The following DOCK6 variants were observed in gnomAD, a reference collection of about 807,000 sequenced individuals.
DOCK6 encodes dedicator of cytokinesis 6.
DOCK6 carries 167 observed loss-of-function variants against 230.3 expected under a neutral mutation model. That is an observed-to-expected ratio of 0.73 (90% CI 0.64 to 0.82). The LOEUF (loss-of-function observed/expected upper bound fraction) is 0.82, where lower values mean the gene tolerates loss of function less well. DOCK6 is among the 40% of genes least tolerant of loss of function. The pLI, the probability that DOCK6 is intolerant of heterozygous loss-of-function variation, is 0.00. For missense variants in DOCK6, 2,598 were observed against 2,825.8 expected (o/e 0.92, Z 1.83); for synonymous variants, 1,148 against 1,185.0 (o/e 0.97, Z 0.64).
chr19:11,250,035 G>A (rs2080093725), intron 6 of DOCK6, among the ~76,000 whole-genome samples: 1 of 149,098 alleles, frequency 6.7e-6, no homozygotes, highest in African/African-American at 2.5e-5. Context: ...TTTTGAGACA[G>A]AGTCTCGCTC....
chr19:11,224,204 T>C (rs2079626805), intron 24 of DOCK6, among the ~76,000 whole-genome samples: 2 of 147,654 alleles, frequency 1.4e-5, no homozygotes, highest in African/African-American at 4.9e-5. Context: ...CTTTCTTTCT[T>C]TCTTTCTTTC....
chr19:11,250,724 G>T, intron 6 of DOCK6, 150 bp downstream of exon 6: 1 of 745,676 alleles, frequency 1.3e-6, no homozygotes, highest in East Asian at 2.7e-5. Context: ...ATAAACATAG[G>T]ATATACAGTA....
rs764093644 is a variant in DOCK6 at position 11,243,348 on chromosome 19, C to CCCCGACCCCG, written c.1295_1296insCGGGGTCGGG (p.Pro433GlyfsTer10). On this transcript the variant is annotated frameshift_variant, in exon 12 of 48. Coordinates refer to ENST00000294618, the MANE Select transcript of DOCK6 (RefSeq NM_020812.4). LOFTEE classifies it high-confidence loss of function. The surrounding 1 kb of genome is among the most constrained non-coding windows in gnomAD (Gnocchi z 6.3). ...CCCCACTACTCGCCCGGTCCTGGGG[C>CCCCGACCCCG]CCCCGACGGCGGCGGTCTGTCCAGG... is the stretch of plus-strand genomic sequence containing the variant. 1 of 1,598,976 alleles carries CCCCGACCCCG rather than the reference C, an allele frequency of 6.3e-7. No homozygotes were observed. Among genetic ancestry groups the CCCCGACCCCG allele is most frequent in the Admixed American group, 1.7e-5 (1 of 57,426 alleles).
At chr19:11,204,374 C>G (rs764683158) in intron 39 of DOCK6, 43 bp from the exon 40 acceptor site, 15 of 1,599,594 alleles carry the variant, frequency 9.4e-6, no homozygotes, top group Non-Finnish European at 1.2e-5. Context: ...CTGTCTTCCT[C>G]TCTCCACTGT....
At chr19:11,241,586 A>G in intron 14 of DOCK6, 1 of 1,555,722 alleles carries the variant, frequency 6.4e-7, no homozygotes, top group Non-Finnish European at 8.7e-7. Context: ...CAGGCAGGGC[A>G]GTTGGATGGG....
Position 11,243,758 on chromosome 19 carries a change from G to A in DOCK6, c.1104+44C>T, listed in dbSNP as rs961421705. The A allele has an allele frequency of 1.2e-6, 2 of 1,613,586 alleles. No individual in the cohort carries two copies. The highest frequency in any genetic ancestry group is 2.2e-5 in the South Asian group (2 of 90,932). On this transcript the variant is annotated intron_variant, in intron 10 of 47. Transcript: ENST00000294618. The surrounding 1 kb of genome is among the most constrained non-coding windows in gnomAD (Gnocchi z 6.3). ...GCCAGCTCAGCATCCTAGCCCTGCT[G>A]AGTCAGGGATCTGTTGCCCCTAGTC...
At chr19:11,213,152 C>G in intron 35 of DOCK6, 24 bp downstream of exon 35, 1 of 1,604,080 alleles carries the variant, frequency 6.2e-7, no homozygotes, top group Non-Finnish European at 8.5e-7. Context: ...CATGTGTGGA[C>G]CATGCCTCCT....
intron 39 of DOCK6, 131 bp from the exon 40 acceptor site, chr19:11,204,462 T>C: frequency 7.8e-7 from 1 of 1,286,374 alleles, no homozygotes; most frequent in Admixed American, 2.6e-5. Flanking sequence ...AAGCCCACCC[T>C]GACCACCCCT....
chr19:11,206,834 GTT>G (rs535091337), intron 39 of DOCK6, among the ~76,000 whole-genome samples: 1 of 18,434 alleles, frequency 5.4e-5, no homozygotes, highest in African/African-American at 4.7e-4. Context: ...ATTTGTGGTG[GTT>G]TTTTTTTTTT....
In DOCK6 at chr19:11,228,954, A is replaced by G; in HGVS notation, c.2800T>C (p.Phe934Leu). 3 of 1,613,542 alleles carry G rather than the reference A, an allele frequency of 1.9e-6. No individual in the cohort carries two copies. Among genetic ancestry groups the G allele is most frequent in the Non-Finnish European group, 2.5e-6 (3 of 1,179,758 alleles). Reference sequence around the variant, plus strand: ...GGGGGTCTCACCATGAGCTGGAAGAAGAACCAGGCGTGCTGGAGGATGGCC... The same window carrying G: ...GGGGGTCTCACCATGAGCTGGAAGAGGAACCAGGCGTGCTGGAGGATGGCC... ...REAILQHAWF[F>L]FQLMVKSMAL... The change falls in exon 23 of 48, where the codon TTC becomes CTC. Residue 934 changes from phenylalanine to leucine, a missense_variant. Coordinates refer to ENST00000294618, the MANE Select transcript of DOCK6 (RefSeq NM_020812.4).
chr19:11,236,944 G>A lies in DOCK6; in HGVS notation c.2074-65C>T. 1.3e-6 allele frequency: 2 copies of A among 1,490,124 alleles called. No individual in the cohort carries two copies. The allele number at this position is 1,490,124 out of a possible 1,614,324, so 92.3% of individuals were successfully genotyped here. On this transcript the variant is annotated intron_variant, in intron 18 of 47. Transcript: ENST00000294618. The surrounding 1 kb of genome is among the most constrained non-coding windows in gnomAD (Gnocchi z 5.2). The stretch of plus-strand genomic sequence containing the variant: ...CCCTGACTGATCAGGTCACCCAGCG[G>A]CCCCAGCCATTGCGACACTGCAGCG...
chr19:11,241,975 G>A (rs2032866112), intron 14 of DOCK6, 70 bp downstream of exon 14: 7 of 1,504,578 alleles, frequency 4.7e-6, no homozygotes, highest in Non-Finnish European at 6.2e-6. Context: ...CTTGGCTTAG[G>A]GAGACCCCAC....
intron 39 of DOCK6, among the ~76,000 whole-genome samples, chr19:11,206,718 G>A (rs2079267416): frequency 6.6e-6 from 1 of 152,090 alleles, no homozygotes; most frequent in South Asian, 2.1e-4. Flanking sequence ...ATGAAATAAA[G>A]GATGACCATT....
At position 11,214,371 on chromosome 19, in the gene DOCK6, C is replaced by T. The variant is rs2079443753; in HGVS notation, c.4242G>A (p.Gly1414=). 5 of 1,613,626 alleles carry T rather than the reference C, an allele frequency of 3.1e-6. No individual in the cohort carries two copies. The highest frequency in any genetic ancestry group is 4.2e-6 in the Non-Finnish European group (5 of 1,179,800). Residue 1414 remains glycine (G), a synonymous_variant, in exon 34 of 48, where the codon GGG becomes GGA. Transcript: ENST00000294618. ...MLSEARESVL[G]AVLKVVLYSL... ...TGTACAGCACAACCTTCAGCACTGC[C>T]CCCAAGACGCTCTCCCGGGCTTCTG...
intron 13 of DOCK6, among the ~76,000 whole-genome samples, 179 bp from the exon 14 acceptor site, chr19:11,242,386 T>C (rs969293501): frequency 6.6e-6 from 1 of 151,886 alleles, no homozygotes; most frequent in Non-Finnish European, 1.5e-5. Flanking sequence ...CCCTAAATTT[T>C]TTTTCGTTTT....
At chr19:11,207,352 A>G (rs1165996780) in intron 39 of DOCK6, among the ~76,000 whole-genome samples, 1 of 151,326 alleles carries the variant, frequency 6.6e-6, no homozygotes, top group African/African-American at 2.4e-5. Flanking sequence ...ATGCCACCAC[A>G]CCCAGCTAAT....
rs78942291 is a variant in DOCK6 at position 11,199,430 on chromosome 19, C to T, written c.*67G>A. 9,708 of 1,543,122 alleles carry T rather than the reference C, an allele frequency of 6.3e-3. 49 individuals carry two copies. The highest frequency in any genetic ancestry group is 0.012 in the South Asian group (1,026 of 83,840). On this transcript the variant is annotated 3_prime_UTR_variant, in exon 48 of 48. Coordinates refer to ENST00000294618, the MANE Select transcript of DOCK6 (RefSeq NM_020812.4). ...CCCAGTGGGCACCAGGGCAGACTCCCCTCGCAGCACAGACAGCTGAGGCCC... is the reference window on the plus strand; with the variant it reads ...CCCAGTGGGCACCAGGGCAGACTCCTCTCGCAGCACAGACAGCTGAGGCCC...
rs1435629518 is a variant in DOCK6, at chr19:11,222,921, G to A, written c.3070-16C>T. 6.2e-7 allele frequency: 1 copy of A among 1,611,704 alleles called. No homozygotes were observed. Among genetic ancestry groups the A allele is most frequent in the Admixed American group, 1.7e-5 (1 of 59,524 alleles). On this transcript the variant is annotated splice_polypyrimidine_tract_variant and intron_variant, in intron 25 of 47. Transcript: ENST00000294618. This position sits in a 1 kb window ranked among gnomAD's most constrained non-coding sequence, Gnocchi z 4.0. ...GCGTGGCCACCTGCAGGAGAGGGGT[G>A]GCCATCAGTGATGTCAACATTGCTC...
chr19:11,212,430 C>T (rs1380231471), intron 35 of DOCK6, among the ~76,000 whole-genome samples: 1 of 152,006 alleles, frequency 6.6e-6, no homozygotes, highest in Non-Finnish European at 1.5e-5. Context: ...TTGGTAGAGA[C>T]AGGGTTTCAC....
Sources: allele counts gnomAD v4.1 joint callset (sites outside exome capture counted in the v4.1 genomes callset), GRCh38; gene constraint gnomAD v4.1.1; non-coding constraint Gnocchi (gnomAD v3.1); transcripts MANE v1.5; gene names NCBI Gene and HGNC (gene_info 2026-07-23, HGNC 2026-07-21).